The following CDH22 variants were observed in gnomAD, a reference collection of about 807,000 sequenced individuals.
The protein encoded by CDH22 is cadherin 22.
In CDH22, 30 loss-of-function variants were observed where a neutral mutation model predicts 58.4. The observed-to-expected ratio is 0.51, with a 90% confidence interval of 0.38 to 0.70. The LOEUF (loss-of-function observed/expected upper bound fraction) is 0.70, where lower values mean the gene tolerates loss of function less well. Among genes scored for constraint, CDH22 ranks in the 30% least tolerant of loss-of-function variants. CDH22 has a pLI of 0.00. For missense variants in CDH22, 1,014 were observed against 1,233.9 expected (o/e 0.82, Z 2.67); for synonymous variants, 513 against 558.2 (o/e 0.92, Z 1.14).
At chr20:46,229,199 T>A (rs1479755969) in intron 3 of CDH22, among the ~76,000 whole-genome samples, 1 of 152,102 alleles carries the variant, frequency 6.6e-6, no homozygotes, top group African/African-American at 2.4e-5. Context: ...ACTGGAATTA[T>A]GTCCTATTGA....
chr20:46,291,157 A>G (rs1005039023), intron 1 of CDH22, among the ~76,000 whole-genome samples: 12 of 152,274 alleles, frequency 7.9e-5, no homozygotes, highest in Non-Finnish European at 1.8e-4. Flanking sequence ...TGTGCCTGTA[A>G]TCCCAGCTAC....
intron 1 of CDH22, among the ~76,000 whole-genome samples, chr20:46,261,883 T>G (rs1450372976): frequency 2.0e-5 from 3 of 152,062 alleles, no homozygotes; most frequent in Non-Finnish European, 4.4e-5. Context: ...CTCCTACCCC[T>G]AGGTATAAGG....
chr20:46,198,857 C>G (rs921585793), intron 8 of CDH22, among the ~76,000 whole-genome samples: 4 of 152,068 alleles, frequency 2.6e-5, no homozygotes, highest in African/African-American at 9.7e-5. Context: ...CTTTTGAGGT[C>G]TTTGTTGAAA....
In CDH22 at chr20:46,267,552, G is replaced by A. The variant is rs184843116; in HGVS notation, c.-399-15859C>T. Among the ~76,000 whole-genome samples the A allele has an allele frequency of 5.0e-4, 76 of 152,316 alleles. 1 individual carries two copies. The highest frequency in any genetic ancestry group is 1.6e-3 in the African/African-American group (65 of 41,572). On this transcript the variant is annotated intron_variant, in intron 1 of 11. Coordinates refer to ENST00000537909, the MANE Select transcript of CDH22 (RefSeq NM_021248.3). ...GCCAACTCCAAAGCAGTGAGCTTCC[G>A]CCCCAGCATACTCTGCTTCCATTCC...
At chr20:46,213,316 G>A in intron 5 of CDH22, 128 bp from the exon 6 acceptor site, 6 of 647,602 alleles carry the variant, frequency 9.3e-6, no homozygotes, top group Non-Finnish European at 1.6e-5. Flanking sequence ...GGGGCTCTCA[G>A]CTTGGCCAGA....
chr20:46,260,259 C>A (rs576661644), intron 1 of CDH22, among the ~76,000 whole-genome samples: 1 of 152,288 alleles, frequency 6.6e-6, no homozygotes, highest in South Asian at 2.1e-4. Context: ...ATGAAGGGAA[C>A]AACACCAAGA....
intron 11 of CDH22, among the ~76,000 whole-genome samples, chr20:46,177,401 C>T (rs1279061115): frequency 6.6e-6 from 1 of 150,918 alleles, no homozygotes; most frequent in Non-Finnish European, 1.5e-5. Context: ...GATTTTGCCC[C>T]CCTCCCCCAC....
At position 46,300,512 on chromosome 20, in the gene CDH22, A is replaced by G. The variant is rs2145785168; in HGVS notation, c.-400+7743T>C. ...CGCGCGTGTGCGTGCGCGTGCACACACACATACACACACACTCCACCTCCC... is the reference window on the plus strand; with the variant it reads ...CGCGCGTGTGCGTGCGCGTGCACACGCACATACACACACACTCCACCTCCC... On this transcript the variant is annotated intron_variant, in intron 1 of 11. Coordinates refer to ENST00000537909, the MANE Select transcript of CDH22 (RefSeq NM_021248.3). This position sits in a 1 kb window ranked among gnomAD's most constrained non-coding sequence, Gnocchi z 4.4. 6.6e-6 allele frequency among the ~76,000 whole-genome samples: 1 copy of G among 152,130 alleles called. No homozygotes were observed. The highest frequency in any genetic ancestry group is 1.9e-4 in the East Asian group (1 of 5,158).
At position 46,251,133 on chromosome 20, in the gene CDH22, C is replaced by A; in HGVS notation, c.162G>T (p.Ala54=). ...PSAPGARQDG[A]LGAGRVKRGW... The stretch of plus-strand genomic sequence containing the variant: ...CGCGTTTGACGCGGCCGGCTCCCAG[C>A]GCGCCGTCCTGCCGAGCTCCGGGCG... Residue 54 remains alanine (A), a synonymous_variant, in exon 2 of 12, where the codon GCG becomes GCT. Transcript: ENST00000537909. This position sits in a 1 kb window ranked among gnomAD's most constrained non-coding sequence, Gnocchi z 6.7. 6.2e-7 allele frequency: 1 copy of A among 1,605,436 alleles called. No homozygotes were observed. The highest frequency in any genetic ancestry group is 8.5e-7 in the Non-Finnish European group (1 of 1,176,256).
At chr20:46,276,354 A>T (rs1300558164) in intron 1 of CDH22, among the ~76,000 whole-genome samples, 1 of 152,220 alleles carries the variant, frequency 6.6e-6, no homozygotes, top group East Asian at 1.9e-4. Context: ...TCAAGAGCAG[A>T]ACAGACTGGA....
At chr20:46,274,721 CA>C (rs2086508807) in intron 1 of CDH22, among the ~76,000 whole-genome samples, 1 of 81,900 alleles carries the variant, frequency 1.2e-5, no homozygotes, top group African/African-American at 3.9e-5. Flanking sequence ...GTGGTATATC[CA>C]AACCAGAGGA....
chr20:46,250,679 C>T, intron 2 of CDH22, among the ~76,000 whole-genome samples: 1 of 152,170 alleles, frequency 6.6e-6, no homozygotes, highest in East Asian at 1.9e-4. Context: ...CTGGGCTAGA[C>T]CCCAGTGCAT....
chr20:46,185,130 T>TACACACACACAC (rs11467388), intron 10 of CDH22, among the ~76,000 whole-genome samples: 3 of 148,656 alleles, frequency 2.0e-5, no homozygotes, highest in Admixed American at 6.7e-5. Flanking sequence ...CCCACACGCA[T>TACACACACACAC]ACACACACAC....
At chr20:46,271,102 C>A (rs1377674258) in intron 1 of CDH22, among the ~76,000 whole-genome samples, 1 of 152,222 alleles carries the variant, frequency 6.6e-6, no homozygotes, top group African/African-American at 2.4e-5. Context: ...TAATGAATAG[C>A]AGCTGCTGTT....
chr20:46,298,047 C>T (rs1568686001), intron 1 of CDH22, among the ~76,000 whole-genome samples: 4 of 152,278 alleles, frequency 2.6e-5, no homozygotes, highest in South Asian at 4.1e-4. Flanking sequence ...TCAAAGTCAC[C>T]TCTATAGATG....
chr20:46,264,834 ATGCACACACACACACCG>A (rs1367471300), intron 1 of CDH22, among the ~76,000 whole-genome samples: 13 of 151,334 alleles, frequency 8.6e-5, no homozygotes, highest in African/African-American at 2.2e-4. Flanking sequence ...CACACACACC[ATGCACACACACACACCG>A]TGCACACACA....
intron 2 of CDH22, among the ~76,000 whole-genome samples, chr20:46,250,328 A>G (rs912178321): frequency 2.0e-5 from 3 of 152,264 alleles, no homozygotes; most frequent in Admixed American, 6.5e-5. Context: ...CATTAATTGC[A>G]CAATGAAACA....
chr20:46,278,053 C>T (rs1255379130), intron 1 of CDH22, among the ~76,000 whole-genome samples: 2 of 151,720 alleles, frequency 1.3e-5, no homozygotes, highest in East Asian at 3.9e-4. Context: ...TCCGTGATGA[C>T]AGGTGACAAG....
intron 1 of CDH22, among the ~76,000 whole-genome samples, chr20:46,262,794 G>T (rs972848815): frequency 6.6e-6 from 1 of 152,206 alleles, no homozygotes; most frequent in African/African-American, 2.4e-5. Context: ...CGCCCTGCCT[G>T]ATTGGGACCT....
Sources: allele counts gnomAD v4.1 joint callset (sites outside exome capture counted in the v4.1 genomes callset), GRCh38; gene constraint gnomAD v4.1.1; non-coding constraint Gnocchi (gnomAD v3.1); transcripts MANE v1.5; gene names NCBI Gene and HGNC (gene_info 2026-07-23, HGNC 2026-07-21).